Variants in CRB1 observed in about 807,000 individuals in gnomAD.
The protein encoded by CRB1 is protein crumbs homolog 1.
CRB1 carries 83 observed loss-of-function variants against 120.0 expected under a neutral mutation model. The ratio of observed to expected loss-of-function variants is 0.69; its 90% CI spans 0.58 to 0.83. The LOEUF (loss-of-function observed/expected upper bound fraction) is 0.83. Ranked by LOEUF, CRB1 falls within the 40% of genes least tolerant of loss-of-function variation. The pLI, the probability that CRB1 is intolerant of heterozygous loss-of-function variation, is 0.00. For synonymous variants in CRB1, 625 were observed against 612.5 expected (o/e 1.02, Z -0.30); for missense variants, 1,699 against 1,687.6 (o/e 1.01, Z -0.12).
chr1:197,387,698 T>A (rs1662287718), intron 5 of CRB1, among the ~76,000 whole-genome samples: 2 of 152,062 alleles, frequency 1.3e-5, no homozygotes, highest in Non-Finnish European at 2.9e-5. Context: ...TGCAACAATT[T>A]TTTTCTAAAA....
Position 197,355,874 on chromosome 1 carries a change from C to T in CRB1, c.989-957C>T, listed in dbSNP as rs1225226747. ...ACGGTGGGCTGAAGGGCTCCTCAAG[C>T]GTGGCCAGAGTGGGTGCCCAGGCCC... On this transcript the variant is annotated intron_variant, in intron 4 of 11. Transcript: ENST00000367400. 3.3e-5 allele frequency among the ~76,000 whole-genome samples: 5 copies of T among 152,238 alleles called. No homozygotes were observed. The South Asian group carries it at 6.2e-4, about 19-fold the overall frequency.
chr1:197,407,554 C>T (rs1010357531), intron 5 of CRB1, among the ~76,000 whole-genome samples: 2 of 152,080 alleles, frequency 1.3e-5, no homozygotes, highest in African/African-American at 4.8e-5. Flanking sequence ...ATCAAATATT[C>T]CTGTGAAAAT....
At chr1:197,324,504 TAAG>T (rs1379084833) in intron 1 of CRB1, among the ~76,000 whole-genome samples, 3 of 152,312 alleles carry the variant, frequency 2.0e-5, no homozygotes, top group Non-Finnish European at 4.4e-5. Context: ...CTAATAATAA[TAAG>T]AACAAGGATG....
At chr1:197,392,057 A>G (rs1268117489) in intron 5 of CRB1, among the ~76,000 whole-genome samples, 1 of 152,048 alleles carries the variant, frequency 6.6e-6, no homozygotes, top group East Asian at 1.9e-4. Context: ...AGGCTGGTAC[A>G]GCATCTCGTG....
At position 197,290,607 on chromosome 1, in the gene CRB1, C is replaced by T. The variant is rs75493116; in HGVS notation, c.70+22125C>T. 4.5e-3 allele frequency among the ~76,000 whole-genome samples: 688 copies of T among 151,694 alleles called. 4 individuals carry two copies. The highest frequency in any genetic ancestry group is 0.022 in the East Asian group (113 of 5,106). On this transcript the variant is annotated intron_variant, in intron 1 of 11. Transcript: ENST00000367400. Reference sequence around the variant, plus strand: ...GCCAACAGGACAGACACAGTATGAACGTCCATTGAGTGTCATGCTGATTTT... The same window carrying T: ...GCCAACAGGACAGACACAGTATGAATGTCCATTGAGTGTCATGCTGATTTT...
chr1:197,256,755 G>A, the CRB1 span, among the ~76,000 whole-genome samples: 8 of 151,340 alleles, frequency 5.3e-5, no homozygotes, highest in Non-Finnish European at 7.4e-5. Flanking sequence ...GTATACATAT[G>A]TAACTAACCT....
At chr1:197,345,502 CTTTTTTTTTTTTTT>C in intron 3 of CRB1, among the ~76,000 whole-genome samples, 1 of 90,612 alleles carries the variant, frequency 1.1e-5, no homozygotes, top group South Asian at 3.9e-4. Flanking sequence ...AAAATAATGA[CTTTTTTTTTTTTTT>C]TTTTTTTTTT....
chr1:197,448,128 T>A (rs949615260), intron 11 of CRB1, among the ~76,000 whole-genome samples: 5 of 152,202 alleles, frequency 3.3e-5, no homozygotes, highest in African/African-American at 9.7e-5. Context: ...ATTAGGAACT[T>A]ATTTAATAGT....
At chr1:197,463,049 G>A (rs914233944) in intron 11 of CRB1, among the ~76,000 whole-genome samples, 1 of 152,126 alleles carries the variant, frequency 6.6e-6, no homozygotes, top group Non-Finnish European at 1.5e-5. Flanking sequence ...TGATGATATT[G>A]TGTTGAAACT....
At chr1:197,433,402 A>G (rs771746251) in intron 8 of CRB1, among the ~76,000 whole-genome samples, 1 of 152,112 alleles carries the variant, frequency 6.6e-6, no homozygotes, top group Non-Finnish European at 1.5e-5. Flanking sequence ...TGCTACTGAA[A>G]AGTGTGATAC....
chr1:197,380,176 A>G (rs1661877162), intron 5 of CRB1, among the ~76,000 whole-genome samples: 1 of 152,196 alleles, frequency 6.6e-6, no homozygotes, highest in African/African-American at 2.4e-5. Flanking sequence ...CACCTATGAG[A>G]CAATAGTCTG....
chr1:197,257,147 G>T, the CRB1 span, among the ~76,000 whole-genome samples: 2 of 151,982 alleles, frequency 1.3e-5, no homozygotes, highest in Non-Finnish European at 2.9e-5. Flanking sequence ...GGGTGCCGCC[G>T]GAGTAAGTCC....
the CRB1 span, among the ~76,000 whole-genome samples, chr1:197,229,382 C>G: frequency 6.6e-6 from 1 of 152,216 alleles, no homozygotes; most frequent in Non-Finnish European, 1.5e-5. Context: ...GGCATTTCCT[C>G]TTTGCTCAGA....
intron 1 of CRB1, among the ~76,000 whole-genome samples, chr1:197,318,390 C>A (rs1035975756): frequency 2.0e-5 from 3 of 152,078 alleles, no homozygotes; most frequent in Non-Finnish European, 4.4e-5. Context: ...TTACACTCTG[C>A]TGGTGGGAAT....
At chr1:197,335,645 C>T (rs577011658) in intron 2 of CRB1, among the ~76,000 whole-genome samples, 1 of 152,126 alleles carries the variant, frequency 6.6e-6, no homozygotes, top group South Asian at 2.1e-4. Context: ...AGTACAGGAG[C>T]GTGCCACCAC....
the CRB1 span, among the ~76,000 whole-genome samples, chr1:197,210,869 T>A: frequency 6.6e-6 from 1 of 152,108 alleles, no homozygotes; most frequent in Non-Finnish European, 1.5e-5. Context: ...AGTGTCTTCC[T>A]TTTGCTGATC....
upstream of CRB1, among the ~76,000 whole-genome samples, chr1:197,267,000 G>C (rs1343711037): frequency 2.6e-5 from 4 of 152,040 alleles, no homozygotes; most frequent in African/African-American, 9.7e-5. Context: ...GAAAACATAA[G>C]AATAAAGATG....
Position 197,268,268 on chromosome 1 carries a change from G to C in CRB1, c.-145G>C, listed in dbSNP as rs1654707906. 4.1e-6 allele frequency: 3 copies of C among 724,098 alleles called. No individual in the cohort carries two copies. Among genetic ancestry groups the C allele is most frequent in the African/African-American group, 1.8e-5 (1 of 57,122 alleles). 44.9% of individuals were successfully genotyped at this position (724,098 alleles called of 1,614,324 possible). A position where few individuals can be genotyped will look rare whatever the true frequency, so the allele number is the denominator to read the frequency against. On this transcript the variant is annotated 5_prime_UTR_variant, in exon 1 of 12. Transcript: ENST00000367400. Reference sequence around the variant, plus strand: ...TTGAATCTAAGTCCCTGTATTTTCTGTGAAGGAGCTGTAAGTAGGGTGGGA... The same window carrying C: ...TTGAATCTAAGTCCCTGTATTTTCTCTGAAGGAGCTGTAAGTAGGGTGGGA...
At chr1:197,380,790 G>A (rs1389156285) in intron 5 of CRB1, among the ~76,000 whole-genome samples, 1 of 152,098 alleles carries the variant, frequency 6.6e-6, no homozygotes, top group East Asian at 1.9e-4. Flanking sequence ...CTCATAGTTG[G>A]CTCTTGTGTG....
Sources: gnomAD v4.1 joint callset for allele counts (sites outside exome capture counted in the v4.1 genomes callset) on GRCh38, gnomAD v4.1.1 for gene constraint, MANE v1.5 for transcripts, NCBI Gene and HGNC (gene_info 2026-07-23, HGNC 2026-07-21) for gene names.